SH3GL1: variants seen among roughly 807,000 people sequenced by gnomAD.
The protein encoded by SH3GL1 is SH3 domain containing GRB2 like 1, endophilin A2, also known as endophilin-A2.
SH3GL1 carries 21 observed loss-of-function variants against 48.8 expected under a neutral mutation model. The ratio of observed to expected loss-of-function variants is 0.43; its 90% CI spans 0.30 to 0.62. SH3GL1 has a LOEUF of 0.62. Among genes scored for constraint, SH3GL1 ranks in the 20% least tolerant of loss-of-function variants. SH3GL1 has a pLI of 0.11. For missense variants in SH3GL1, 454 were observed against 503.0 expected (o/e 0.90, Z 0.93); for synonymous variants, 282 against 217.5 (o/e 1.30, Z -2.61).
chr19:4,390,184 C>G (rs1973310578), intron 1 of SH3GL1: 1 of 152,326 alleles, frequency 6.6e-6, no homozygotes, highest in Admixed American at 6.5e-5. Context: ...CCCCGTGACC[C>G]TGCTCTCAGG....
At chr19:4,399,319 C>CA (rs58263818) in intron 1 of SH3GL1, among the ~76,000 whole-genome samples, 32,212 of 49,408 alleles carry the variant, frequency 0.65, 10,930 homozygotes, top group East Asian at 0.86. Flanking sequence ...GACTCCCTCT[C>CA]AAAAAAAAAA....
At chr19:4,395,567 T>G (rs1018687605) in intron 1 of SH3GL1, 9 of 152,190 alleles carry the variant, frequency 5.9e-5, no homozygotes, top group Admixed American at 2.0e-4. Context: ...TATTCATACA[T>G]ATGGTTGCCA....
Position 4,367,029 on chromosome 19 carries a change from A to T in SH3GL1, c.46-35T>A. ...AGAAGAGGGGAAACGCTGTGAGCCC[A>T]GGGGTAGGAGGAAGAAGAGGACAGG... On this transcript the variant is annotated intron_variant, in intron 1 of 9. Coordinates refer to ENST00000269886, the MANE Select transcript of SH3GL1 (RefSeq NM_003025.4). This position sits in a 1 kb window ranked among gnomAD's most constrained non-coding sequence, Gnocchi z 4.2. The T allele has an allele frequency of 6.3e-7, 1 of 1,598,072 alleles. No homozygotes were observed. The highest frequency in any genetic ancestry group is 1.1e-5 in the South Asian group (1 of 90,770).
rs772579120 is a variant in SH3GL1, at chr19:4,389,294, G to A, written c.45+11030C>T. Among the ~76,000 whole-genome samples the A allele has an allele frequency of 3.3e-5, 5 of 152,190 alleles. No individual in the cohort carries two copies. The highest frequency in any genetic ancestry group is 7.3e-5 in the Non-Finnish European group (5 of 68,036). On this transcript the variant is annotated intron_variant, in intron 1 of 9. Coordinates refer to ENST00000269886, the MANE Select transcript of SH3GL1 (RefSeq NM_003025.4). This position sits in a 1 kb window ranked among gnomAD's most constrained non-coding sequence, Gnocchi z 4.5. ...GTGTGGCATCTGGGTGGGGGACCCC[G>A]AGGCCAGAAGCTCCAAGGGCTGAGA...
chr19:4,367,122 A>G lies in SH3GL1; in HGVS notation c.46-128T>C. The stretch of plus-strand genomic sequence containing the variant: ...AGGCAGGAGGCCAAGTGATCAGGAC[A>G]CACACCTCAGGCACTGCCGTGGGCA... On this transcript the variant is annotated intron_variant, in intron 1 of 9. Coordinates refer to ENST00000269886, the MANE Select transcript of SH3GL1 (RefSeq NM_003025.4). The surrounding 1 kb of genome is among the most constrained non-coding windows in gnomAD (Gnocchi z 4.2). 1 of 834,600 alleles carries G rather than the reference A, an allele frequency of 1.2e-6. No individual in the cohort carries two copies. Among genetic ancestry groups the G allele is most frequent in the Non-Finnish European group, 2.0e-6 (1 of 488,440 alleles). The allele number at this position is 834,600 out of a possible 1,614,324, so 51.7% of individuals were successfully genotyped here. A position where few individuals can be genotyped will look rare whatever the true frequency, so the allele number is the denominator to read the frequency against.
chr19:4,397,104 A>G (rs1973439424), intron 1 of SH3GL1, among the ~76,000 whole-genome samples: 1 of 152,160 alleles, frequency 6.6e-6, no homozygotes, highest in Admixed American at 6.5e-5. Flanking sequence ...TTATTAGACT[A>G]AAAACAAAAA....
intron 1 of SH3GL1, among the ~76,000 whole-genome samples, chr19:4,389,000 G>A (rs115375716): frequency 0.011 from 1,713 of 152,310 alleles, 33 homozygotes; most frequent in African/African-American, 0.039. Context: ...CTGCCTCCCT[G>A]GTGCTGTGAC....
At chr19:4,366,393 C>T in intron 3 of SH3GL1, 108 bp downstream of exon 3, 1 of 857,472 alleles carries the variant, frequency 1.2e-6, no homozygotes, top group East Asian at 2.6e-5. Context: ...CCAGCTGTGC[C>T]TGAAGCCCAC....
At chr19:4,397,242 G>C (rs1973442069) in intron 1 of SH3GL1, among the ~76,000 whole-genome samples, 3 of 152,206 alleles carry the variant, frequency 2.0e-5, no homozygotes, top group Non-Finnish European at 4.4e-5. Context: ...GGACAGAATT[G>C]ACCAGGAGGC....
At chr19:4,390,512 GGAA>G (rs1463880177) in intron 1 of SH3GL1, 2 of 152,104 alleles carry the variant, frequency 1.3e-5, no homozygotes, top group Non-Finnish European at 2.9e-5. Context: ...CAGAAAGAGA[GGAA>G]GAAGAGGGGG....
chr19:4,374,282 GCCA>G (rs1005593278), intron 1 of SH3GL1, among the ~76,000 whole-genome samples: 2 of 152,208 alleles, frequency 1.3e-5, no homozygotes, highest in Non-Finnish European at 2.9e-5. Context: ...CTCAGCGGTG[GCCA>G]CAACAGAGTG....
intron 3 of SH3GL1, among the ~76,000 whole-genome samples, chr19:4,366,060 C>A (rs745445544): frequency 1.4e-4 from 22 of 152,170 alleles, no homozygotes; most frequent in Middle Eastern, 3.2e-3. Flanking sequence ...GCGTCTGCCC[C>A]CTGTCCGTGG....
chr19:4,393,404 G>A (rs1330959657), intron 1 of SH3GL1, among the ~76,000 whole-genome samples: 2 of 152,212 alleles, frequency 1.3e-5, no homozygotes, highest in Non-Finnish European at 2.9e-5. Flanking sequence ...AAGATCACTT[G>A]AGTCCAGGAG....
At chr19:4,383,796 G>A (rs1332595945) in intron 1 of SH3GL1, among the ~76,000 whole-genome samples, 3 of 152,178 alleles carry the variant, frequency 2.0e-5, no homozygotes, top group Non-Finnish European at 4.4e-5. Context: ...GGAACACAGC[G>A]TGAGAGCCGG....
At chr19:4,399,805 C>G (rs1166032132) in intron 1 of SH3GL1, among the ~76,000 whole-genome samples, 1 of 152,218 alleles carries the variant, frequency 6.6e-6, no homozygotes, top group Non-Finnish European at 1.5e-5. Flanking sequence ...AAGGGACATA[C>G]GGAGTCGATG....
At chr19:4,372,784 C>T (rs1972928741) in intron 1 of SH3GL1, among the ~76,000 whole-genome samples, 1 of 152,236 alleles carries the variant, frequency 6.6e-6, no homozygotes, top group Non-Finnish European at 1.5e-5. Context: ...CAGGAAGCCA[C>T]TGGCCTTCGT....
At chr19:4,390,370 TAGAG>T (rs1261402308) in intron 1 of SH3GL1, 1 of 151,596 alleles carries the variant, frequency 6.6e-6, no homozygotes, top group African/African-American at 2.4e-5. Context: ...AGGCGAGAGA[TAGAG>T]AAAGAGAGAG....
rs373539047 is a variant in SH3GL1, at chr19:4,366,928, T to C, written c.112A>G (p.Lys38Glu). ...AGAGCACGCAGTTTCTTCCTCACCTTCTCCATCTCTTTGAAGTCATCATCC... is the reference window on the plus strand; with the variant it reads ...AGAGCACGCAGTTTCTTCCTCACCTCCTCCATCTCTTTGAAGTCATCATCC... ...KLDDDFKEME[K>E]KVDVTSKAVT... Residue 38 changes from lysine to glutamate, a missense_variant and splice_region_variant, in exon 2 of 10, where the codon AAG becomes GAG. Physicochemically the swap from Lys to Glu is moderately conservative, Grantham distance 56. Coordinates refer to ENST00000269886, the MANE Select transcript of SH3GL1 (RefSeq NM_003025.4). The C allele has an allele frequency of 1.2e-6, 2 of 1,613,720 alleles. No homozygotes were observed. Among genetic ancestry groups the C allele is most frequent in the Non-Finnish European group, 1.7e-6 (2 of 1,179,748 alleles).
chr19:4,397,241 T>C (rs1476000075), intron 1 of SH3GL1, among the ~76,000 whole-genome samples: 1 of 152,164 alleles, frequency 6.6e-6, no homozygotes, highest in East Asian at 1.9e-4. Flanking sequence ...AGGACAGAAT[T>C]GACCAGGAGG....
Sources: gnomAD v4.1 joint callset for allele counts (sites outside exome capture counted in the v4.1 genomes callset) on GRCh38, gnomAD v4.1.1 for gene constraint, Gnocchi (gnomAD v3.1) non-coding constraint, MANE v1.5 for transcripts, NCBI Gene and HGNC (gene_info 2026-07-23, HGNC 2026-07-21) for gene names.